Variants in SMAP1 observed in about 807,000 individuals in gnomAD.
SMAP1 encodes stromal membrane-associated protein 1.
Under a neutral mutation model 58.5 loss-of-function variants are expected in SMAP1, and 24 were observed. The observed-to-expected ratio is 0.41, with a 90% confidence interval of 0.30 to 0.58. The LOEUF (loss-of-function observed/expected upper bound fraction) is 0.58, where lower values mean the gene tolerates loss of function less well. Among genes scored for constraint, SMAP1 ranks in the 20% least tolerant of loss-of-function variants. The pLI, the probability that SMAP1 is intolerant of heterozygous loss-of-function variation, is 0.29. For synonymous variants in SMAP1, 216 were observed against 196.6 expected (o/e 1.10, Z -0.82); for missense variants, 563 against 566.3 (o/e 0.99, Z 0.06).
chr6:70,734,227 CG>C (rs1296555087), intron 2 of SMAP1, among the ~76,000 whole-genome samples: 3 of 151,902 alleles, frequency 2.0e-5, no homozygotes, highest in African/African-American at 7.3e-5. Context: ...CTCACTGCAG[CG>C]TTTGTCTCCT....
intron 3 of SMAP1, among the ~76,000 whole-genome samples, chr6:70,770,994 T>G (rs893273514): frequency 1.1e-4 from 16 of 152,322 alleles, no homozygotes; most frequent in Non-Finnish European, 1.9e-4. Context: ...TCAGGTCTGT[T>G]GGAGTTTGCT....
At chr6:70,775,305 A>G (rs1767502261) in intron 4 of SMAP1, among the ~76,000 whole-genome samples, 2 of 152,160 alleles carry the variant, frequency 1.3e-5, no homozygotes, top group South Asian at 4.1e-4. Flanking sequence ...CTTTTAAAAT[A>G]TAATTTTAAA....
At chr6:70,669,874 A>T (rs906760353) in intron 1 of SMAP1, among the ~76,000 whole-genome samples, 3 of 152,206 alleles carry the variant, frequency 2.0e-5, no homozygotes, top group Non-Finnish European at 2.9e-5. Flanking sequence ...TCTCCAAAAA[A>T]GTACTTTATA....
At chr6:70,742,662 C>T (rs1382896813) in intron 2 of SMAP1, among the ~76,000 whole-genome samples, 1 of 152,156 alleles carries the variant, frequency 6.6e-6, no homozygotes, top group Non-Finnish European at 1.5e-5. Context: ...GGTATCTTTA[C>T]AGCAGTGCCC....
chr6:70,669,080 ATGTCT>A (rs1303718241), intron 1 of SMAP1, among the ~76,000 whole-genome samples: 1 of 151,950 alleles, frequency 6.6e-6, no homozygotes, highest in African/African-American at 2.4e-5. Flanking sequence ...TTTATGTTTA[ATGTCT>A]TGTAAGTAAT....
At chr6:70,792,176 A>G (rs1382745130) in intron 5 of SMAP1, among the ~76,000 whole-genome samples, 2 of 152,186 alleles carry the variant, frequency 1.3e-5, no homozygotes, top group East Asian at 3.9e-4. Flanking sequence ...TAAAACGTGT[A>G]TTATGGGATA....
intron 1 of SMAP1, among the ~76,000 whole-genome samples, chr6:70,727,934 G>A (rs1765256042): frequency 6.6e-6 from 1 of 152,104 alleles, no homozygotes; most frequent in Non-Finnish European, 1.5e-5. Context: ...GTGGTGGTAT[G>A]TGCCTGTAGT....
chr6:70,861,814 C>G lies in SMAP1; in HGVS notation c.*1480C>G. The G allele has an allele frequency of 6.2e-7, 1 of 1,614,030 alleles. No individual in the cohort carries two copies. Among genetic ancestry groups the G allele is most frequent in the Non-Finnish European group, 8.5e-7 (1 of 1,179,968 alleles). On this transcript the variant is annotated 3_prime_UTR_variant, in exon 11 of 11. Transcript: ENST00000370455. ...TGGTGACACTCGAGGTCGGGCAGCA[C>G]AAGTGTAATGAATACCTTAGTGCAG...
chr6:70,745,184 C>T (rs1402417027), intron 2 of SMAP1, among the ~76,000 whole-genome samples: 1 of 152,128 alleles, frequency 6.6e-6, no homozygotes. Flanking sequence ...TTAATTAGAT[C>T]CCATTTATCA....
In SMAP1 at chr6:70,860,200, A is replaced by C. The variant is rs778607875; in HGVS notation, c.1270A>C (p.Met424Leu). The change falls in exon 11 of 11, where the codon ATG (methionine) becomes CTG (leucine). Residue 424 changes from methionine to leucine, a missense_variant and splice_region_variant. Physicochemically the swap from Met to Leu is conservative, Grantham distance 15 (BLOSUM62 2). Coordinates refer to ENST00000370455, the MANE Select transcript of SMAP1 (RefSeq NM_001044305.3). Reference sequence around the variant, plus strand: ...ACTAAGCCTTTTATATGTTTCACAGATGAATCAGCAGATGGCTGGCATGAG... The same window carrying C: ...ACTAAGCCTTTTATATGTTTCACAGCTGAATCAGCAGATGGCTGGCATGAG... ...AQQPQWSLSQ[M>L]NQQMAGMSIS... The C allele has an allele frequency of 1.2e-6, 2 of 1,605,534 alleles. No individual in the cohort carries two copies. Among genetic ancestry groups the C allele is most frequent in the African/African-American group, 1.3e-5 (1 of 74,568 alleles).
intron 6 of SMAP1, among the ~76,000 whole-genome samples, chr6:70,806,520 A>T (rs1048984102): frequency 1.3e-5 from 2 of 152,068 alleles, no homozygotes; most frequent in Non-Finnish European, 1.5e-5. Flanking sequence ...CCCACTATCC[A>T]ACCAGTCCCA....
In SMAP1 at chr6:70,784,757, C is replaced by A. The variant is rs1767927818; in HGVS notation, c.415-6932C>A. 2.6e-5 allele frequency among the ~76,000 whole-genome samples: 4 copies of A among 152,176 alleles called. No individual in the cohort carries two copies. The South Asian group carries it at 8.3e-4, about 32-fold the overall frequency. On this transcript the variant is annotated intron_variant, in intron 4 of 10. Coordinates refer to ENST00000370455, the MANE Select transcript of SMAP1 (RefSeq NM_001044305.3). ...CAATTCAACAAGAAGAGCTAACTATCCTAAATATATATGCACCCAATACAG... is the reference window on the plus strand; with the variant it reads ...CAATTCAACAAGAAGAGCTAACTATACTAAATATATATGCACCCAATACAG...
At chr6:70,690,710 T>TA (rs1562095153) in intron 1 of SMAP1, among the ~76,000 whole-genome samples, 3 of 145,770 alleles carry the variant, frequency 2.1e-5, no homozygotes, top group South Asian at 2.2e-4. Context: ...ATATATATAT[T>TA]TTTGAATTTG....
intron 2 of SMAP1, among the ~76,000 whole-genome samples, chr6:70,748,325 T>C (rs868611124): frequency 6.6e-6 from 1 of 152,126 alleles, no homozygotes; most frequent in Admixed American, 6.6e-5. Flanking sequence ...ATCCTAGTCT[T>C]TGTGTTTTAA....
At chr6:70,708,430 C>G (rs571150026) in intron 1 of SMAP1, among the ~76,000 whole-genome samples, 1 of 152,226 alleles carries the variant, frequency 6.6e-6, no homozygotes, top group African/African-American at 2.4e-5. Flanking sequence ...CTGCAATGAA[C>G]ATGGGAGTCC....
At chr6:70,788,451 C>G (rs1008747209) in intron 4 of SMAP1, among the ~76,000 whole-genome samples, 1 of 151,318 alleles carries the variant, frequency 6.6e-6, no homozygotes, top group African/African-American at 2.4e-5. Context: ...AAAGTGTAAT[C>G]ATAATAATAA....
intron 6 of SMAP1, among the ~76,000 whole-genome samples, chr6:70,801,915 T>A (rs1181267446): frequency 6.6e-6 from 1 of 152,242 alleles, no homozygotes; most frequent in African/African-American, 2.4e-5. Context: ...TTGGTTACTG[T>A]AGCCTTGTAG....
chr6:70,732,646 G>T, intron 2 of SMAP1, 135 bp downstream of exon 2: 2 of 717,510 alleles, frequency 2.8e-6, no homozygotes, highest in Non-Finnish European at 3.9e-6. Flanking sequence ...GTATAAAATT[G>T]GAATATTTGA....
chr6:70,774,971 C>T (rs1453882390), intron 4 of SMAP1, among the ~76,000 whole-genome samples: 1 of 150,896 alleles, frequency 6.6e-6, no homozygotes, highest in African/African-American at 2.4e-5. Context: ...GATTGAGCCA[C>T]TGCACTCCAG....
Sources: allele counts gnomAD v4.1 joint callset (sites outside exome capture counted in the v4.1 genomes callset), GRCh38; gene constraint gnomAD v4.1.1; transcripts MANE v1.5; gene names NCBI Gene and HGNC (gene_info 2026-07-23, HGNC 2026-07-21).